The following CLASP2 variants were observed in gnomAD, a reference collection of about 807,000 sequenced individuals.
The protein encoded by CLASP2 is cytoplasmic linker associated protein 2, also known as CLIP-associating protein 2.
Under a neutral mutation model 194.4 loss-of-function variants are expected in CLASP2, and 47 were observed. The observed-to-expected ratio is 0.24, with a 90% CI of 0.19 to 0.31. The LOEUF is 0.31. Ranked by LOEUF, CLASP2 falls within the 10% of genes least tolerant of loss-of-function variation. CLASP2 has a pLI of 1.00. For synonymous variants in CLASP2, 619 were observed against 633.5 expected (o/e 0.98, Z 0.34); for missense variants, 1,445 against 1,823.6 (o/e 0.79, Z 3.78).
intron 34 of CLASP2, among the ~76,000 whole-genome samples, chr3:33,518,223 C>A (rs2051975577): frequency 6.6e-6 from 1 of 152,120 alleles, no homozygotes; most frequent in African/African-American, 2.4e-5. Context: ...TTTTTGCCTT[C>A]TTTTTAAAAG....
intron 7 of CLASP2, among the ~76,000 whole-genome samples, chr3:33,655,673 T>C (rs1037664819): frequency 2.6e-5 from 4 of 152,112 alleles, no homozygotes; most frequent in Admixed American, 2.6e-4. Context: ...TTCAACAGCA[T>C]GGAAGAAGAG....
At chr3:33,576,142 T>C (rs182683817) in intron 24 of CLASP2, 27 bp downstream of exon 24, 30 of 1,568,076 alleles carry the variant, frequency 1.9e-5, no homozygotes, top group Middle Eastern at 3.4e-4. Context: ...GGAACATTTA[T>C]AATGATAAGA....
At chr3:33,690,019 G>T in intron 2 of CLASP2, 87 bp from the exon 3 acceptor site, 1 of 805,262 alleles carries the variant, frequency 1.2e-6, no homozygotes, top group African/African-American at 1.8e-5. Context: ...AATAGCAATT[G>T]TTTCCATAAA....
At chr3:33,578,179 T>G (rs1440131987) in intron 23 of CLASP2, among the ~76,000 whole-genome samples, 1 of 152,172 alleles carries the variant, frequency 6.6e-6, no homozygotes, top group Non-Finnish European at 1.5e-5. Flanking sequence ...TACACCTCAT[T>G]TTGTTAACAT....
intron 29 of CLASP2, among the ~76,000 whole-genome samples, chr3:33,551,811 G>A (rs2060045438): frequency 6.6e-6 from 1 of 152,170 alleles, no homozygotes; most frequent in East Asian, 1.9e-4. Flanking sequence ...GCTTATGGCT[G>A]ACTCTTGGCT....
At chr3:33,627,133 A>C in intron 9 of CLASP2, 53 bp from the exon 10 acceptor site, 3 of 997,876 alleles carry the variant, frequency 3.0e-6, no homozygotes, top group Non-Finnish European at 4.6e-6. Flanking sequence ...GAACAATATC[A>C]AAATTATGCC....
intron 14 of CLASP2, among the ~76,000 whole-genome samples, chr3:33,608,047 T>C (rs974199017): frequency 6.6e-6 from 1 of 152,204 alleles, no homozygotes; most frequent in African/African-American, 2.4e-5. Flanking sequence ...ATGAGAAATA[T>C]AGCCATGCAA....
chr3:33,536,604 T>C (rs56057573), intron 33 of CLASP2, among the ~76,000 whole-genome samples: 16,127 of 152,128 alleles, frequency 0.11, 1,025 homozygotes, highest in Middle Eastern at 0.19. Flanking sequence ...GCCTATTGTA[T>C]AGACTTTGGT....
chr3:33,525,747 C>T (rs921968670), intron 34 of CLASP2, among the ~76,000 whole-genome samples: 4 of 152,144 alleles, frequency 2.6e-5, no homozygotes, highest in South Asian at 2.1e-4. Context: ...GCTACAGCTC[C>T]GGCAAAGTGG....
chr3:33,646,479 A>C (rs1248745497), intron 7 of CLASP2, among the ~76,000 whole-genome samples: 1 of 152,190 alleles, frequency 6.6e-6, no homozygotes, highest in Non-Finnish European at 1.5e-5. Context: ...TGTTAAAAAC[A>C]CTAATACAAT....
At chr3:33,614,486 A>G (rs1043275843) in intron 12 of CLASP2, among the ~76,000 whole-genome samples, 7 of 152,154 alleles carry the variant, frequency 4.6e-5, no homozygotes, top group Non-Finnish European at 8.8e-5. Flanking sequence ...ATCCTTGTCC[A>G]CTGTATAAGA....
chr3:33,536,785 T>C (rs2057418277), intron 33 of CLASP2, among the ~76,000 whole-genome samples: 1 of 152,200 alleles, frequency 6.6e-6, no homozygotes, highest in Non-Finnish European at 1.5e-5. Context: ...GAATTCTGGA[T>C]ACATTCTGCA....
intron 6 of CLASP2, among the ~76,000 whole-genome samples, chr3:33,669,660 T>G (rs1464455744): frequency 6.6e-6 from 1 of 151,468 alleles, no homozygotes; most frequent in Non-Finnish European, 1.5e-5. Context: ...ATAAACAGAT[T>G]AAATGGTGCT....
At position 33,535,444 on chromosome 3, in the gene CLASP2, C is replaced by T. The variant is rs368146012; in HGVS notation, c.3576G>A (p.Gly1192=). 33 of 1,613,514 alleles carry T rather than the reference C, an allele frequency of 2.0e-5. No homozygotes were observed. Among genetic ancestry groups the T allele is most frequent in the Middle Eastern group, 1.6e-4 (1 of 6,082 alleles). The change falls in exon 34 of 39, where the codon GGG becomes GGA. Residue 1192 remains glycine (G), a synonymous_variant. Transcript: ENST00000682230. ...DDGDSMCGGP[G]MSDPRAGGDA... The stretch of plus-strand genomic sequence containing the variant: ...CACCTCCTGCTCTTGGGTCAGACAT[C>T]CCAGGACCACCACACATCTATCAAT...
At chr3:33,526,288 A>T (rs1415033183) in intron 34 of CLASP2, among the ~76,000 whole-genome samples, 2 of 152,110 alleles carry the variant, frequency 1.3e-5, no homozygotes, top group African/African-American at 4.8e-5. Flanking sequence ...ATGGAGGAAA[A>T]TCTACCAAGC....
At chr3:33,626,863 A>G (rs1267532198) in intron 10 of CLASP2, 125 bp downstream of exon 10, 2 of 599,624 alleles carry the variant, frequency 3.3e-6, no homozygotes, top group Admixed American at 3.3e-5. Context: ...CCAGAAAGAA[A>G]TGTTACCTAT....
intron 2 of CLASP2, among the ~76,000 whole-genome samples, 174 bp downstream of exon 2, chr3:33,696,681 G>T (rs1056307515): frequency 3.3e-5 from 5 of 151,998 alleles, no homozygotes; most frequent in Non-Finnish European, 5.9e-5. Flanking sequence ...GGCCAGGCTG[G>T]TCTCAAACTT....
intron 31 of CLASP2, among the ~76,000 whole-genome samples, chr3:33,544,441 G>A (rs896098370): frequency 1.3e-5 from 2 of 152,006 alleles, no homozygotes; most frequent in African/African-American, 2.4e-5. Context: ...TTTTGCTCAC[G>A]TTTTGCTTTT....
At chr3:33,604,442 C>G (rs1165368613) in intron 16 of CLASP2, among the ~76,000 whole-genome samples, 1 of 151,752 alleles carries the variant, frequency 6.6e-6, no homozygotes, top group Non-Finnish European at 1.5e-5. Flanking sequence ...CTCAATCTCT[C>G]AAGTTACCTG....
Sources: allele counts gnomAD v4.1 joint callset (sites outside exome capture counted in the v4.1 genomes callset), GRCh38; gene constraint gnomAD v4.1.1; transcripts MANE v1.5; gene names NCBI Gene and HGNC (gene_info 2026-07-23, HGNC 2026-07-21).